Variants in AUH observed in about 807,000 individuals in gnomAD.
AUH encodes the protein methylglutaconyl-CoA hydratase, mitochondrial.
Under a neutral mutation model 42.3 loss-of-function variants are expected in AUH, and 29 were observed. That is an observed-to-expected ratio of 0.69 (90% CI 0.51 to 0.93). The LOEUF (loss-of-function observed/expected upper bound fraction) is 0.93. Ranked by LOEUF, AUH falls within the 40% of genes least tolerant of loss-of-function variation. The pLI is 0.00. For missense variants in AUH, 452 were observed against 438.1 expected (o/e 1.03, Z -0.28); for synonymous variants, 174 against 166.4 (o/e 1.05, Z -0.35).
intron 4 of AUH, among the ~76,000 whole-genome samples, chr9:91,316,756 A>G (rs1292485228): frequency 6.6e-6 from 1 of 152,182 alleles, no homozygotes; most frequent in Admixed American, 6.5e-5. Flanking sequence ...TGATTCCTGT[A>G]TGTACTTATC....
chr9:91,321,389 G>GTT (rs750854460), intron 4 of AUH, among the ~76,000 whole-genome samples: 6 of 151,574 alleles, frequency 4.0e-5, no homozygotes, highest in African/African-American at 1.5e-4. Flanking sequence ...TTTTTGTTTT[G>GTT]TTTTTTCTTG....
chr9:91,220,722 T>C (rs1354045768), intron 7 of AUH, 83 bp downstream of exon 7: 62 of 1,491,182 alleles, frequency 4.2e-5, no homozygotes, highest in Non-Finnish European at 5.1e-5. Flanking sequence ...ACTTCTTCCA[T>C]AGGCAAGATG....
intron 6 of AUH, among the ~76,000 whole-genome samples, chr9:91,284,060 C>A (rs1446533807): frequency 2.0e-5 from 3 of 151,900 alleles, no homozygotes; most frequent in Non-Finnish European, 4.4e-5. Flanking sequence ...TGACTTCAAA[C>A]TATACTATGA....
At chr9:91,237,087 T>G (rs1351851370) in intron 6 of AUH, among the ~76,000 whole-genome samples, 1 of 152,218 alleles carries the variant, frequency 6.6e-6, no homozygotes, top group Non-Finnish European at 1.5e-5. Flanking sequence ...AGCTACAGAT[T>G]ATGTTTCCTC....
chr9:91,266,870 A>G (rs1166069741), intron 6 of AUH, among the ~76,000 whole-genome samples: 1 of 152,248 alleles, frequency 6.6e-6, no homozygotes, highest in African/African-American at 2.4e-5. Context: ...TTTAAGGGTT[A>G]GATAGCAAAC....
intron 7 of AUH, chr9:91,218,982 T>G: frequency 1.0e-6 from 1 of 985,400 alleles, no homozygotes; most frequent in Admixed American, 6.1e-5. Flanking sequence ...ATTTTAACAA[T>G]CAACATTCTG....
chr9:91,334,310 AG>A (rs1489509512), intron 3 of AUH, among the ~76,000 whole-genome samples: 3 of 152,212 alleles, frequency 2.0e-5, no homozygotes, highest in Admixed American at 6.5e-5. Flanking sequence ...CTGGATGACT[AG>A]CATTTGAATT....
At chr9:91,270,456 C>T (rs752976028) in intron 6 of AUH, among the ~76,000 whole-genome samples, 1 of 152,154 alleles carries the variant, frequency 6.6e-6, no homozygotes, top group Non-Finnish European at 1.5e-5. Context: ...AGAATAGATC[C>T]TGGACAGCTA....
chr9:91,355,746 G>T, intron 3 of AUH, 137 bp downstream of exon 3: 45 of 727,314 alleles, frequency 6.2e-5, no homozygotes, highest in African/African-American at 1.1e-4. Context: ...TTTTTTTCTT[G>T]TGAATCAGTA....
intron 6 of AUH, among the ~76,000 whole-genome samples, chr9:91,276,114 G>A (rs1825518156): frequency 6.6e-6 from 1 of 152,040 alleles, no homozygotes; most frequent in Non-Finnish European, 1.5e-5. Flanking sequence ...AATATTATCT[G>A]CATTTCAAAA....
intron 3 of AUH, among the ~76,000 whole-genome samples, chr9:91,327,136 T>C (rs1830014692): frequency 6.6e-6 from 1 of 152,088 alleles, no homozygotes; most frequent in African/African-American, 2.4e-5. Context: ...CTACCAGTAC[T>C]TACCACCAAA....
intron 9 of AUH, among the ~76,000 whole-genome samples, chr9:91,214,898 C>T (rs978169033): frequency 6.6e-6 from 1 of 152,150 alleles, no homozygotes; most frequent in Non-Finnish European, 1.5e-5. Flanking sequence ...CCATTGTGGT[C>T]TGAAGAATAC....
At chr9:91,333,125 G>T (rs75687708) in intron 3 of AUH, among the ~76,000 whole-genome samples, 1 of 152,178 alleles carries the variant, frequency 6.6e-6, no homozygotes, top group Admixed American at 6.5e-5. Flanking sequence ...AGAGATGTCC[G>T]ACCTCCCATC....
intron 4 of AUH, among the ~76,000 whole-genome samples, chr9:91,303,497 A>G (rs933350899): frequency 7.9e-5 from 12 of 152,120 alleles, no homozygotes; most frequent in African/African-American, 2.9e-4. Flanking sequence ...CGCCCAGCTA[A>G]TTTTTTGTGT....
At chr9:91,284,539 G>A (rs569885709) in intron 6 of AUH, among the ~76,000 whole-genome samples, 1 of 152,140 alleles carries the variant, frequency 6.6e-6, no homozygotes, top group South Asian at 2.1e-4. Context: ...CTACAGAATG[G>A]GAGAAAATTT....
At chr9:91,332,091 A>G (rs1295155796) in intron 3 of AUH, among the ~76,000 whole-genome samples, 1 of 152,252 alleles carries the variant, frequency 6.6e-6, no homozygotes, top group African/African-American at 2.4e-5. Context: ...GAAAGATTTC[A>G]ATGTACTATG....
intron 3 of AUH, among the ~76,000 whole-genome samples, chr9:91,335,373 A>G (rs1439525828): frequency 1.3e-5 from 2 of 152,152 alleles, no homozygotes; most frequent in Non-Finnish European, 2.9e-5. Flanking sequence ...TTATCTTACC[A>G]GTTTAATCTC....
At chr9:91,335,949 C>A in intron 3 of AUH, among the ~76,000 whole-genome samples, 1 of 152,078 alleles carries the variant, frequency 6.6e-6, no homozygotes, top group East Asian at 1.9e-4. Flanking sequence ...GTGCCTGAAA[C>A]GAATGCCTAG....
At position 91,214,127 on chromosome 9, in the gene AUH, G is replaced by T; in HGVS notation, c.*221C>A. Reference sequence around the variant, plus strand: ...TATATCTAACTTTGATTCTGTTTCTGACTATACACTACTAGCTTTATAAAT... The same window carrying T: ...TATATCTAACTTTGATTCTGTTTCTTACTATACACTACTAGCTTTATAAAT... On this transcript the variant is annotated 3_prime_UTR_variant, in exon 10 of 10. Coordinates refer to ENST00000375731, the MANE Select transcript of AUH (RefSeq NM_001698.3). 1 of 498,072 alleles carries T rather than the reference G, an allele frequency of 2.0e-6. No individual in the cohort carries two copies. 30.9% of individuals were successfully genotyped at this position (498,072 alleles called of 1,614,324 possible).
Sources: gnomAD v4.1 joint callset for allele counts (sites outside exome capture counted in the v4.1 genomes callset) on GRCh38, gnomAD v4.1.1 for gene constraint, MANE v1.5 for transcripts, NCBI Gene and HGNC (gene_info 2026-07-23, HGNC 2026-07-21) for gene names.